LMX1A: variants seen among roughly 807,000 people sequenced by gnomAD.
LMX1A encodes LIM homeobox transcription factor 1 alpha.
A neutral mutation model predicts 49.1 loss-of-function variants in LMX1A; 15 were observed. The observed-to-expected ratio is 0.31, with a 90% confidence interval of 0.20 to 0.47. LMX1A has a LOEUF of 0.47. LMX1A is among the 20% of genes least tolerant of loss of function. LMX1A has a pLI of 1.00. For missense variants in LMX1A, 372 were observed against 475.8 expected (o/e 0.78, Z 2.03); for synonymous variants, 167 against 185.7 (o/e 0.90, Z 0.82).
At chr1:165,238,710 C>T (rs1652537552) in intron 4 of LMX1A, among the ~76,000 whole-genome samples, 1 of 152,326 alleles carries the variant, frequency 6.6e-6, no homozygotes, top group East Asian at 1.9e-4. Flanking sequence ...GTACCTGGAG[C>T]ACTGCCATAG....
At chr1:165,243,708 A>G (rs1339579882) in intron 4 of LMX1A, among the ~76,000 whole-genome samples, 1 of 152,246 alleles carries the variant, frequency 6.6e-6, no homozygotes, top group East Asian at 1.9e-4. Context: ...GGCCAAGACC[A>G]TGGTTTGAGT....
chr1:165,237,078 C>A (rs1652476728), intron 4 of LMX1A, among the ~76,000 whole-genome samples: 1 of 152,180 alleles, frequency 6.6e-6, no homozygotes, highest in African/African-American at 2.4e-5. Flanking sequence ...ACTTCATACA[C>A]TTCTATGTGT....
rs574059925 is a variant in LMX1A, at chr1:165,266,959, C to T, written c.264-17319G>A. On this transcript the variant is annotated intron_variant, in intron 3 of 8. Transcript: ENST00000342310. Reference sequence around the variant, plus strand: ...TCTCTCTTTCTTTCTCTCTCTTTTTCTCTCTCTCTCTTTCTTTCTCTTTTC... The same window carrying T: ...TCTCTCTTTCTTTCTCTCTCTTTTTTTCTCTCTCTCTTTCTTTCTCTTTTC... Among the ~76,000 whole-genome samples the T allele has an allele frequency of 2.4e-3, 364 of 151,728 alleles. 3 individuals carry two copies. Among genetic ancestry groups the T allele is most frequent in the African/African-American group, 8.3e-3 (342 of 41,386 alleles).
chr1:165,319,249 C>T (rs1034277255), intron 3 of LMX1A, among the ~76,000 whole-genome samples: 1 of 151,958 alleles, frequency 6.6e-6, no homozygotes, highest in Non-Finnish European at 1.5e-5. Context: ...CATAGAGATA[C>T]AACTGCTGGA....
intron 3 of LMX1A, among the ~76,000 whole-genome samples, chr1:165,258,168 G>T (rs1653311649): frequency 6.6e-6 from 1 of 152,352 alleles, no homozygotes; most frequent in South Asian, 2.1e-4. Context: ...GGTAACTGAG[G>T]TCATCCAGGC....
At chr1:165,296,745 C>A (rs1654632536) in intron 3 of LMX1A, among the ~76,000 whole-genome samples, 1 of 152,230 alleles carries the variant, frequency 6.6e-6, no homozygotes, top group Non-Finnish European at 1.5e-5. Flanking sequence ...ACAGATATCT[C>A]AGGGTGAACA....
intron 4 of LMX1A, among the ~76,000 whole-genome samples, chr1:165,236,561 T>C (rs1351815940): frequency 6.6e-6 from 1 of 152,142 alleles, no homozygotes; most frequent in Non-Finnish European, 1.5e-5. Flanking sequence ...TACACATGGA[T>C]TTGTGTTTGC....
At chr1:165,335,349 C>T (rs1463790423) in intron 3 of LMX1A, among the ~76,000 whole-genome samples, 1 of 152,060 alleles carries the variant, frequency 6.6e-6, no homozygotes, top group Admixed American at 6.5e-5. Flanking sequence ...GTTATAGATA[C>T]ATTTGAAAAT....
At chr1:165,306,907 C>T (rs1351827865) in intron 3 of LMX1A, among the ~76,000 whole-genome samples, 1 of 152,242 alleles carries the variant, frequency 6.6e-6, no homozygotes, top group African/African-American at 2.4e-5. Flanking sequence ...TCCCCCTGCC[C>T]AGGCAGCACA....
At chr1:165,275,836 G>GGTGTGTGTGT (rs71661277) in intron 3 of LMX1A, among the ~76,000 whole-genome samples, 3 of 128,242 alleles carry the variant, frequency 2.3e-5, no homozygotes, top group South Asian at 3.2e-4. Context: ...ATGGCGCTGG[G>GGTGTGTGTGT]GTGTGTGTGT....
intron 3 of LMX1A, among the ~76,000 whole-genome samples, chr1:165,319,977 A>G (rs1212010942): frequency 6.6e-6 from 1 of 152,206 alleles, no homozygotes; most frequent in Non-Finnish European, 1.5e-5. Context: ...GTTCTGCATA[A>G]CAACCACTAA....
At chr1:165,288,186 G>A (rs189235802) in intron 3 of LMX1A, among the ~76,000 whole-genome samples, 11 of 152,306 alleles carry the variant, frequency 7.2e-5, no homozygotes, top group Middle Eastern at 3.4e-3. Context: ...AACAGGGATG[G>A]ACAGCTCTCC....
intron 3 of LMX1A, among the ~76,000 whole-genome samples, chr1:165,293,520 C>CA (rs1311935224): frequency 6.6e-6 from 1 of 152,226 alleles, no homozygotes; most frequent in Non-Finnish European, 1.5e-5. Flanking sequence ...AACTAAAACT[C>CA]AGAGAGCAAA....
chr1:165,352,725 A>G (rs1229133365), intron 3 of LMX1A, among the ~76,000 whole-genome samples: 1 of 152,374 alleles, frequency 6.6e-6, no homozygotes, highest in East Asian at 1.9e-4. Flanking sequence ...CCCCGGTAAA[A>G]GAGGGAGACC....
At chr1:165,217,742 C>T (rs1436045354) in intron 4 of LMX1A, among the ~76,000 whole-genome samples, 4 of 152,180 alleles carry the variant, frequency 2.6e-5, no homozygotes, top group African/African-American at 9.7e-5. Context: ...AGTGGACTTG[C>T]ACAGTTCAAA....
chr1:165,275,482 C>A (rs112456116), intron 3 of LMX1A, among the ~76,000 whole-genome samples: 1 of 152,218 alleles, frequency 6.6e-6, no homozygotes, highest in African/African-American at 2.4e-5. Context: ...CAGAGGTTTA[C>A]ATACTTCCAC....
At chr1:165,300,446 G>T (rs1654747376) in intron 3 of LMX1A, among the ~76,000 whole-genome samples, 1 of 152,210 alleles carries the variant, frequency 6.6e-6, no homozygotes, top group African/African-American at 2.4e-5. Flanking sequence ...GCTGACCCAA[G>T]TTAAGGGCTT....
At chr1:165,207,913 T>A (rs1261001304) in intron 7 of LMX1A, 150 bp downstream of exon 7, 4 of 629,736 alleles carry the variant, frequency 6.4e-6, no homozygotes, top group Non-Finnish European at 1.1e-5. Context: ...CGTGGCTCAG[T>A]CTTCCCTTGA....
At chr1:165,301,106 G>A (rs373953978) in intron 3 of LMX1A, among the ~76,000 whole-genome samples, 2 of 152,138 alleles carry the variant, frequency 1.3e-5, no homozygotes, top group Non-Finnish European at 2.9e-5. Flanking sequence ...TCTCAGGACC[G>A]GCTTAACACA....
Sources: allele counts gnomAD v4.1 joint callset (sites outside exome capture counted in the v4.1 genomes callset), GRCh38; gene constraint gnomAD v4.1.1; transcripts MANE v1.5; gene names NCBI Gene and HGNC (gene_info 2026-07-23, HGNC 2026-07-21).